Variants in MACROD2 observed in about 807,000 individuals in gnomAD.
MACROD2 encodes the protein mono-ADP ribosylhydrolase 2.
Under a neutral mutation model 70.4 loss-of-function variants are expected in MACROD2, and 36 were observed. The observed-to-expected ratio is 0.51, with a 90% confidence interval of 0.39 to 0.68. The LOEUF (loss-of-function observed/expected upper bound fraction) is 0.68. MACROD2 is among the 30% of genes least tolerant of loss of function. MACROD2 has a pLI of 0.00. For synonymous variants in MACROD2, 172 were observed against 178.8 expected (o/e 0.96, Z 0.30); for missense variants, 496 against 538.4 (o/e 0.92, Z 0.78).
intron 2 of MACROD2, among the ~76,000 whole-genome samples, chr20:14,029,484 A>C (rs2148630717): frequency 6.6e-6 from 1 of 152,330 alleles, no homozygotes; most frequent in East Asian, 1.9e-4. Context: ...TAGAAAAAGA[A>C]AGGATATGGG....
chr20:15,903,691 T>C (rs1191809573), intron 10 of MACROD2, among the ~76,000 whole-genome samples: 2 of 152,200 alleles, frequency 1.3e-5, no homozygotes, highest in African/African-American at 4.8e-5. Context: ...CTGTAAGAAC[T>C]TTGACTGCTT....
intron 15 of MACROD2, among the ~76,000 whole-genome samples, chr20:16,027,573 G>A (rs2147572048): frequency 6.6e-6 from 1 of 152,266 alleles, no homozygotes; most frequent in East Asian, 1.9e-4. Context: ...TTCAGCCTTG[G>A]TTATTTTCAG....
intron 8 of MACROD2, among the ~76,000 whole-genome samples, chr20:15,671,750 G>A (rs76254664): frequency 0.011 from 1,673 of 152,282 alleles, 17 homozygotes; most frequent in East Asian, 0.026. Flanking sequence ...GCTTCACAGC[G>A]GAATGCTTAT....
intron 3 of MACROD2, among the ~76,000 whole-genome samples, chr20:14,314,114 G>A (rs1408823949): frequency 2.0e-5 from 3 of 152,154 alleles, no homozygotes; most frequent in Non-Finnish European, 2.9e-5. Flanking sequence ...CTGGGATTCT[G>A]GAAAGCTCAA....
At chr20:15,314,900 A>G (rs1405528769) in intron 6 of MACROD2, among the ~76,000 whole-genome samples, 1 of 152,242 alleles carries the variant, frequency 6.6e-6, no homozygotes, top group Non-Finnish European at 1.5e-5. Context: ...TAGAAATGAC[A>G]TGAGAAGACC....
Position 15,887,773 on chromosome 20 carries a change from T to C in MACROD2, c.775+1962T>C, listed in dbSNP as rs2064840609. 2.0e-5 allele frequency among the ~76,000 whole-genome samples: 3 copies of C among 152,210 alleles called. No individual in the cohort carries two copies. In the South Asian group the frequency reaches 6.2e-4, roughly 31 times the overall value. Reference sequence around the variant, plus strand: ...AAGAACGTAAGACTAACTTTAACAATATTTTGTATAACACAATAATCCAAA... The same window carrying C: ...AAGAACGTAAGACTAACTTTAACAACATTTTGTATAACACAATAATCCAAA... On this transcript the variant is annotated intron_variant, in intron 10 of 17. Coordinates refer to ENST00000684519, the MANE Select transcript of MACROD2 (RefSeq NM_001351661.2).
At chr20:15,375,361 C>T (rs1451785880) in intron 6 of MACROD2, among the ~76,000 whole-genome samples, 2 of 152,062 alleles carry the variant, frequency 1.3e-5, no homozygotes, top group African/African-American at 4.8e-5. Context: ...AAAATTAAGC[C>T]TCCCCAATTC....
chr20:15,181,656 C>G lies in MACROD2; in HGVS notation c.419-48284C>G, dbSNP rs149984333. 1.6e-3 allele frequency among the ~76,000 whole-genome samples: 242 copies of G among 152,172 alleles called. 1 individual carries two copies. The highest frequency in any genetic ancestry group is 5.6e-3 in the African/African-American group (234 of 41,544). ...TTTGTTGTTGTATTTGGATAGCATG[C>G]TTGGATTACTATAGATGGTGTTCCT... is the stretch of plus-strand genomic sequence containing the variant. On this transcript the variant is annotated intron_variant, in intron 5 of 17. Transcript: ENST00000684519.
At chr20:14,302,714 G>A (rs1225657788) in intron 3 of MACROD2, among the ~76,000 whole-genome samples, 1 of 151,468 alleles carries the variant, frequency 6.6e-6, no homozygotes, top group Non-Finnish European at 1.5e-5. Flanking sequence ...GCAGTGCAGT[G>A]GCGCGATCTT....
At chr20:15,308,200 A>G (rs2077716500) in intron 6 of MACROD2, among the ~76,000 whole-genome samples, 1 of 152,162 alleles carries the variant, frequency 6.6e-6, no homozygotes. Context: ...CATAATGTAA[A>G]TATCCTGTTT....
At chr20:15,980,782 A>T (rs2066386631) in intron 13 of MACROD2, among the ~76,000 whole-genome samples, 1 of 152,226 alleles carries the variant, frequency 6.6e-6, no homozygotes, top group African/African-American at 2.4e-5. Flanking sequence ...GCTAGCAAGT[A>T]CTTGAGAGCT....
rs1220823398 is a variant in MACROD2, at chr20:14,560,528, T to A, written c.301+67020T>A. 2.0e-5 allele frequency among the ~76,000 whole-genome samples: 3 copies of A among 152,056 alleles called. No homozygotes were observed. In the East Asian group the frequency reaches 5.8e-4, roughly 29 times the overall value. On this transcript the variant is annotated intron_variant, in intron 4 of 17. Transcript: ENST00000684519. Reference sequence around the variant, plus strand: ...GATAAGAAAAGGGAAAAATAGGAAATTTTAAAATGTCACAACTCATTTTAT... The same window carrying A: ...GATAAGAAAAGGGAAAAATAGGAAAATTTAAAATGTCACAACTCATTTTAT...
At chr20:15,803,541 A>T (rs902372184) in intron 8 of MACROD2, among the ~76,000 whole-genome samples, 1 of 152,160 alleles carries the variant, frequency 6.6e-6, no homozygotes, top group Non-Finnish European at 1.5e-5. Flanking sequence ...GAGAATGGGA[A>T]ATAACATTAA....
At chr20:15,499,914 A>C in intron 8 of MACROD2, 67 bp downstream of exon 8, 1 of 1,466,066 alleles carries the variant, frequency 6.8e-7, no homozygotes, top group Non-Finnish European at 9.5e-7. Flanking sequence ...TCCCCCCAAA[A>C]AAGCACATAA....
In MACROD2 at chr20:14,609,578, T is replaced by A. The variant is rs187763473; in HGVS notation, c.302-75265T>A. Among the ~76,000 whole-genome samples the A allele has an allele frequency of 2.0e-5, 3 of 152,142 alleles. No individual in the cohort carries two copies. In the South Asian group the frequency reaches 6.2e-4, roughly 32 times the overall value. On this transcript the variant is annotated intron_variant, in intron 4 of 17. Transcript: ENST00000684519. ...CATGAGCTGCCTACTCTGAACTTCA[T>A]TGGCTTTGATTTCCATTGCAACCTA...
intron 17 of MACROD2, among the ~76,000 whole-genome samples, chr20:16,046,575 G>T (rs1421203661): frequency 6.6e-6 from 1 of 151,302 alleles, no homozygotes; most frequent in Non-Finnish European, 1.5e-5. Flanking sequence ...CAGATGAAGT[G>T]CCAGGATTAG....
At chr20:15,324,843 A>G (rs2146178054) in intron 6 of MACROD2, among the ~76,000 whole-genome samples, 1 of 152,324 alleles carries the variant, frequency 6.6e-6, no homozygotes, top group South Asian at 2.1e-4. Flanking sequence ...ATATGAAGGC[A>G]ATATAGGTAA....
At chr20:14,671,896 A>G (rs2070799548) in intron 4 of MACROD2, among the ~76,000 whole-genome samples, 1 of 152,208 alleles carries the variant, frequency 6.6e-6, no homozygotes, top group African/African-American at 2.4e-5. Context: ...TACCTGACAC[A>G]TGAATCTTTC....
chr20:15,222,546 T>C (rs555294679), intron 5 of MACROD2, among the ~76,000 whole-genome samples: 2 of 152,236 alleles, frequency 1.3e-5, no homozygotes, highest in East Asian at 3.9e-4. Context: ...AAAAAGAAAA[T>C]CAGTTTAATT....
Sources: gnomAD v4.1 joint callset for allele counts (sites outside exome capture counted in the v4.1 genomes callset) on GRCh38, gnomAD v4.1.1 for gene constraint, MANE v1.5 for transcripts, NCBI Gene and HGNC (gene_info 2026-07-23, HGNC 2026-07-21) for gene names.